PRKACA: variants seen among roughly 807,000 people sequenced by gnomAD.
PRKACA encodes the protein cAMP-dependent protein kinase catalytic subunit alpha.
In PRKACA, 9 loss-of-function variants were observed where a neutral mutation model predicts 45.8. The ratio of observed to expected loss-of-function variants is 0.20; its 90% CI spans 0.12 to 0.34. The LOEUF is 0.34. PRKACA is among the 10% of genes least tolerant of loss of function. PRKACA has a pLI of 1.00. For missense variants in PRKACA, 238 were observed against 458.6 expected, an observed-to-expected ratio of 0.52 and a Z score of 4.39; for synonymous variants, 160 against 178.6, an observed-to-expected ratio of 0.90 and a Z score of 0.83.
At chr19:14,095,961 C>T (rs557602519) in intron 8 of PRKACA, among the ~76,000 whole-genome samples, 32 of 150,518 alleles carry the variant, frequency 2.1e-4, no homozygotes, top group Non-Finnish European at 4.0e-4. Flanking sequence ...TGGGCTCAAG[C>T]GATCCTCCTG....
chr19:14,097,048 A>C lies in PRKACA; in HGVS notation c.765+313T>G, dbSNP rs1977280612. 1 of 398,056 alleles carries C rather than the reference A, an allele frequency of 2.5e-6. No individual in the cohort carries two copies. The highest frequency in any genetic ancestry group is 4.8e-6 in the Non-Finnish European group (1 of 209,748). The allele number at this position is 398,056 out of a possible 1,614,324, so 24.7% of individuals were successfully genotyped here. ...TCTGCCTTGGAATTTGCGAAAACTC[A>C]CACTAACTGGGATGAGGAGCGAAAA... On this transcript the variant is annotated intron_variant, in intron 8 of 9. Transcript: ENST00000308677. This position sits in a 1 kb window ranked among gnomAD's most constrained non-coding sequence, Gnocchi z 5.4.
chr19:14,098,212 A>C, intron 5 of PRKACA: 1 of 248,088 alleles, frequency 4.0e-6, no homozygotes, highest in Non-Finnish European at 8.0e-6. Context: ...ACAAAAGAAC[A>C]TGAATGATTC....
chr19:14,109,965 A>AAT (rs1188333013), intron 1 of PRKACA, among the ~76,000 whole-genome samples: 705 of 23,756 alleles, frequency 0.03, 28 homozygotes, highest in Non-Finnish European at 0.044. Flanking sequence ...AAAAAAAAAA[A>AAT]ATATATATAT....
At chr19:14,114,751 C>G (rs1328500028) in intron 1 of PRKACA, among the ~76,000 whole-genome samples, 1 of 152,100 alleles carries the variant, frequency 6.6e-6, no homozygotes, top group Admixed American at 6.5e-5. Context: ...CTCAGCTCTC[C>G]CAATGGCTTT....
chr19:14,100,587 C>T lies in PRKACA; in HGVS notation c.419+239G>A, dbSNP rs569585547. On this transcript the variant is annotated intron_variant, in intron 5 of 9. Coordinates refer to ENST00000308677, the MANE Select transcript of PRKACA (RefSeq NM_002730.4). ...TGCTGGGATTACTGGTGAGAACCAC[C>T]GTGCCTGGCAGCAACTTCAGTTTGG... Among the ~76,000 whole-genome samples the T allele has an allele frequency of 1.4e-4, 21 of 152,292 alleles. 1 individual carries two copies. The South Asian group carries it at 2.7e-3, about 20-fold the overall frequency.
intron 8 of PRKACA, among the ~76,000 whole-genome samples, chr19:14,096,056 T>G (rs1474521794): frequency 2.7e-5 from 4 of 147,002 alleles, no homozygotes; most frequent in Non-Finnish European, 6.0e-5. Flanking sequence ...TTTTTTTTTT[T>G]GAGACAGAGT....
intron 2 of PRKACA, 101 bp downstream of exon 2, chr19:14,107,247 T>C: frequency 7.8e-7 from 1 of 1,289,018 alleles, no homozygotes; most frequent in Non-Finnish European, 1.1e-6. Flanking sequence ...TCTGAAGCCT[T>C]CTATGGGGTT....
chr19:14,095,128 TTTTC>T lies in PRKACA; in HGVS notation c.766-1340_766-1337del, dbSNP rs574933123. Among the ~76,000 whole-genome samples the T allele has an allele frequency of 7.3e-3, 1,112 of 152,272 alleles. 6 individuals carry two copies. Among genetic ancestry groups the T allele is most frequent in the Middle Eastern group, 0.027 (8 of 294 alleles). On this transcript the variant is annotated intron_variant, in intron 8 of 9. Transcript: ENST00000308677. ...TTCTCCTGTGGGATCTTCTGTGTTT[TTTTC>T]TTTCTTTTTTTTCCCACTCTGGGAC... is the stretch of plus-strand genomic sequence containing the variant.
chr19:14,093,815 A>G, intron 8 of PRKACA, 23 bp from the exon 9 acceptor site: 1 of 1,599,306 alleles, frequency 6.3e-7, no homozygotes, highest in South Asian at 1.1e-5. Context: ...GTACAAGGAC[A>G]GGGTGGGAAG....
At chr19:14,093,901 A>T in intron 8 of PRKACA, 109 bp from the exon 9 acceptor site, 2 of 1,182,852 alleles carry the variant, frequency 1.7e-6, no homozygotes, top group South Asian at 3.3e-5. Flanking sequence ...CCTCCAAAGC[A>T]GAGTGCCTGC....
intron 8 of PRKACA, chr19:14,096,707 G>A (rs1977269951): frequency 6.2e-6 from 1 of 162,504 alleles, no homozygotes; most frequent in Non-Finnish European, 1.4e-5. Flanking sequence ...ATTGCCTACG[G>A]TGATTACCTA....
At chr19:14,093,318 T>G (rs527327130) in intron 9 of PRKACA, 81 bp from the exon 10 acceptor site, 1 of 1,533,882 alleles carries the variant, frequency 6.5e-7, no homozygotes, top group African/African-American at 1.4e-5. Flanking sequence ...TGGCCTAACA[T>G]TCAAGAGATA....
rs200172256 is a variant in PRKACA at position 14,100,911 on chromosome 19, G to A, written c.337-3C>T. 3 of 1,613,838 alleles carry A rather than the reference G, an allele frequency of 1.9e-6. No individual in the cohort carries two copies. In the East Asian group the frequency reaches 6.7e-5, roughly 36 times the overall value. ...ACCATGTATAAGTTTGAGTTGTCCTGTGGGAAGCAGTGGCTGGTCAAGGGC... is the reference window on the plus strand; with the variant it reads ...ACCATGTATAAGTTTGAGTTGTCCTATGGGAAGCAGTGGCTGGTCAAGGGC... On this transcript the variant is annotated splice_region_variant and splice_polypyrimidine_tract_variant and intron_variant, in intron 4 of 9. Coordinates refer to ENST00000308677, the MANE Select transcript of PRKACA (RefSeq NM_002730.4).
chr19:14,094,818 G>A (rs375783900), intron 8 of PRKACA, among the ~76,000 whole-genome samples: 22 of 152,336 alleles, frequency 1.4e-4, no homozygotes, highest in East Asian at 1.2e-3. Flanking sequence ...AGGCTCTTCC[G>A]TTCTTTAAAG....
At chr19:14,111,987 C>T (rs546700703) in intron 1 of PRKACA, among the ~76,000 whole-genome samples, 1 of 152,340 alleles carries the variant, frequency 6.6e-6, no homozygotes, top group East Asian at 1.9e-4. Context: ...GAGCTCCCAG[C>T]CCCTGGCTGT....
intron 8 of PRKACA, chr19:14,096,700 GC>G (rs1209630230): frequency 6.2e-6 from 1 of 161,914 alleles, no homozygotes; most frequent in African/African-American, 2.4e-5. Flanking sequence ...TACAATGATT[GC>G]CTACGGTGAT....
intron 1 of PRKACA, chr19:14,114,292 G>T: frequency 8.2e-7 from 1 of 1,222,468 alleles, no homozygotes; most frequent in Non-Finnish European, 1.2e-6. Flanking sequence ...GGAGCAGGAA[G>T]AGAAACCCAA....
chr19:14,115,133 C>T (rs907529648), intron 1 of PRKACA: 10 of 984,938 alleles, frequency 1.0e-5, no homozygotes, highest in Non-Finnish European at 1.2e-5. Flanking sequence ...AGTACAGCTT[C>T]GGGCGTTTCT....
chr19:14,092,436 C>G lies in PRKACA; in HGVS notation c.*676G>C, dbSNP rs1315314595. The G allele has an allele frequency of 4.1e-5, 16 of 391,988 alleles. No individual in the cohort carries two copies. Among genetic ancestry groups the G allele is most frequent in the East Asian group, 3.6e-4 (10 of 27,664 alleles). 24.3% of individuals were successfully genotyped at this position (391,988 alleles called of 1,614,324 possible). A position where few individuals can be genotyped will look rare whatever the true frequency, so the allele number is the denominator to read the frequency against. ...GATTAGCAGCGGGGAGGTTCAAACC[C>G]CAGCGCCTCCCTTTCCAAAGTCAGT... On this transcript the variant is annotated 3_prime_UTR_variant, in exon 10 of 10. Coordinates refer to ENST00000308677, the MANE Select transcript of PRKACA (RefSeq NM_002730.4).
Sources: gnomAD v4.1 joint callset for allele counts (sites outside exome capture counted in the v4.1 genomes callset) on GRCh38, gnomAD v4.1.1 for gene constraint, Gnocchi (gnomAD v3.1) non-coding constraint, MANE v1.5 for transcripts, NCBI Gene and HGNC (gene_info 2026-07-23, HGNC 2026-07-21) for gene names.